The following CHRNG variants were observed in gnomAD, a reference collection of about 807,000 sequenced individuals.
The protein encoded by CHRNG is cholinergic receptor nicotinic gamma subunit.
In CHRNG, 72 loss-of-function variants were observed where a neutral mutation model predicts 65.2. That is an observed-to-expected ratio of 1.10 (90% CI 0.91 to 1.34). The LOEUF (loss-of-function observed/expected upper bound fraction) is 1.34. Among genes scored for constraint, CHRNG ranks in the 40% most tolerant of loss-of-function variants. The probability of loss-of-function intolerance (pLI) is 0.00; values close to 1 mark genes in which losing one functional copy is unlikely to be tolerated. For synonymous variants in CHRNG, 284 were observed against 290.2 expected, an observed-to-expected ratio of 0.98 and a Z score of 0.22; for missense variants, 637 against 680.1, an observed-to-expected ratio of 0.94 and a Z score of 0.70.
Position 232,544,589 on chromosome 2 carries a change from C to G in CHRNG, c.1249+9C>G, listed in dbSNP as rs770568420. 2.7e-5 allele frequency: 43 copies of G among 1,609,200 alleles called. No homozygotes were observed. The highest frequency in any genetic ancestry group is 3.5e-5 in the Non-Finnish European group (41 of 1,176,612). ...AGCGCTGGAGAAGCTAGGTGAGACA[C>G]ACCAGGTGTGCCTGGGGACAGTCCT... is the stretch of plus-strand genomic sequence containing the variant. On this transcript the variant is annotated intron_variant, in intron 10 of 11. Coordinates refer to ENST00000651502, the MANE Select transcript of CHRNG (RefSeq NM_005199.5).
rs1420671428 is a variant in CHRNG, at chr2:232,546,536, G to A, written c.*820G>A. 6.6e-6 allele frequency: 1 copy of A among 152,110 alleles called. No homozygotes were observed. Among genetic ancestry groups the A allele is most frequent in the Non-Finnish European group, 1.5e-5 (1 of 68,198 alleles). The allele number at this position is 152,110 out of a possible 1,614,324, so 9.4% of individuals were successfully genotyped here. A position where few individuals can be genotyped will look rare whatever the true frequency, so the allele number is the denominator to read the frequency against. On this transcript the variant is annotated 3_prime_UTR_variant, in exon 12 of 12. Transcript: ENST00000651502. ...CTACTTTTAAATTTTTAGTAGAGAT[G>A]AGGTTTTGCTATGTTGCCTAGGTTG...
chr2:232,544,949 T>C, intron 11 of CHRNG, 47 bp downstream of exon 11: 1 of 1,612,114 alleles, frequency 6.2e-7, no homozygotes. Context: ...TACCTGGGCT[T>C]GGAACCGTGA....
Position 232,544,631 on chromosome 2 carries a change from T to G in CHRNG, c.1249+51T>G, listed in dbSNP as rs764848357. 3.2e-6 allele frequency: 5 copies of G among 1,578,886 alleles called. No individual in the cohort carries two copies. In the African/African-American group the frequency reaches 6.7e-5, roughly 21 times the overall value. On this transcript the variant is annotated intron_variant, in intron 10 of 11. Transcript: ENST00000651502. ...GACAGTCCTCCCCTGGGACCCCAGCTGGGGAGCCAGGCACAGCAGATGAGT... is the reference window on the plus strand; with the variant it reads ...GACAGTCCTCCCCTGGGACCCCAGCGGGGGAGCCAGGCACAGCAGATGAGT...
rs1248314099 is a variant in CHRNG, at chr2:232,543,484, C to CG, written c.920+95_920+96insG. ...TTGCCCTCTTGCCCTCCATCCACCCCCCCCATCCTCAATTCAGGAGGCCTG... is the reference window on the plus strand; with the variant it reads ...TTGCCCTCTTGCCCTCCATCCACCCCGCCCCATCCTCAATTCAGGAGGCCTG... On this transcript the variant is annotated intron_variant, in intron 8 of 11. Coordinates refer to ENST00000651502, the MANE Select transcript of CHRNG (RefSeq NM_005199.5). 74 of 1,178,002 alleles carry CG rather than the reference C, an allele frequency of 6.3e-5. 1 individual carries two copies. Among genetic ancestry groups the CG allele is most frequent in the Middle Eastern group, 1.9e-4 (1 of 5,282 alleles). The allele number at this position is 1,178,002 out of a possible 1,614,324, so 73.0% of individuals were successfully genotyped here.
At chr2:232,544,669 C>T (rs1054892556) in intron 10 of CHRNG, 89 bp downstream of exon 10, 2 of 1,567,394 alleles carry the variant, frequency 1.3e-6, no homozygotes, top group Non-Finnish European at 1.8e-6. Flanking sequence ...TGGAGAAGTG[C>T]CCAGGTCAGG....
At position 232,544,332 on chromosome 2, in the gene CHRNG, G is replaced by A. The variant is rs116160052; in HGVS notation, c.1036-35G>A. 2.7e-3 allele frequency: 4,151 copies of A among 1,531,364 alleles called. 10 individuals are homozygous for A. Among genetic ancestry groups the A allele is most frequent in the Non-Finnish European group, 3.6e-3 (3,992 of 1,106,864 alleles). The allele number at this position is 1,531,364 out of a possible 1,614,324, so 94.9% of individuals were successfully genotyped here. The stretch of plus-strand genomic sequence containing the variant: ...ACCTCTGGCTTCTGCTCTGAAGCTC[G>A]GCCTGCTGCCCTAGTGAAGCCACCC... On this transcript the variant is annotated intron_variant, in intron 9 of 11. Transcript: ENST00000651502.
chr2:232,541,867 G>C lies in CHRNG; in HGVS notation c.506+338G>C, dbSNP rs1574644269. 2.4e-6 allele frequency: 1 copy of C among 410,018 alleles called. No homozygotes were observed. Among genetic ancestry groups the C allele is most frequent in the East Asian group, 5.3e-5 (1 of 18,748 alleles). 25.4% of individuals were successfully genotyped at this position (410,018 alleles called of 1,614,324 possible). On this transcript the variant is annotated intron_variant, in intron 5 of 11. Transcript: ENST00000651502. The surrounding 1 kb of genome is among the most constrained non-coding windows in gnomAD (Gnocchi z 4.0). The stretch of plus-strand genomic sequence containing the variant: ...ACACACGAAACCACTGCACACTCCA[G>C]GCCCACAGGGAGGCAGGGCTGTCCT...
Position 232,542,507 on chromosome 2 carries a change from T to C in CHRNG, c.591T>C (p.Pro197=), listed in dbSNP as rs1692038390. The C allele has an allele frequency of 6.2e-7, 1 of 1,612,532 alleles. No homozygotes were observed. ...CCATCGAGTGGATTTTCATTGACCC[T>C]GAGGCCTTCACAGGTAACCCCCACC... ...GQTIEWIFID[P]EAFTENGEWA... Residue 197 remains proline (P), a synonymous_variant, in exon 6 of 12, where the codon CCT becomes CCC. Coordinates refer to ENST00000651502, the MANE Select transcript of CHRNG (RefSeq NM_005199.5).
At position 232,540,243 on chromosome 2, in the gene CHRNG, T is replaced by TG; in HGVS notation, c.195+116dup. The TG allele has an allele frequency of 6.2e-7, 1 of 1,603,666 alleles. No individual in the cohort carries two copies. Among genetic ancestry groups the TG allele is most frequent in the Non-Finnish European group, 8.5e-7 (1 of 1,171,378 alleles). ...TTGGAGGGCCCTAAATCGGACAGGC[T>TG]GGGGTCTGGAAAACCCCCATGGTTG... On this transcript the variant is annotated intron_variant, in intron 2 of 11. Transcript: ENST00000651502. This position sits in a 1 kb window ranked among gnomAD's most constrained non-coding sequence, Gnocchi z 4.2.
At chr2:232,543,461 GC>G in intron 8 of CHRNG, 72 bp downstream of exon 8, 1 of 1,254,092 alleles carries the variant, frequency 8.0e-7, no homozygotes, top group Non-Finnish European at 1.2e-6. Flanking sequence ...CTCCTGCATT[GC>G]CCTCTTGCCC....
chr2:232,541,296 G>C lies in CHRNG; in HGVS notation c.351-78G>C. On this transcript the variant is annotated intron_variant, in intron 4 of 11. Transcript: ENST00000651502. This position sits in a 1 kb window ranked among gnomAD's most constrained non-coding sequence, Gnocchi z 4.0. Reference sequence around the variant, plus strand: ...GTCCCCAGGCCCCTATCCACATGGGGCACAGGGGCTGGTCTGGGGCTGGGG... The same window carrying C: ...GTCCCCAGGCCCCTATCCACATGGGCCACAGGGGCTGGTCTGGGGCTGGGG... 6.3e-7 allele frequency: 1 copy of C among 1,578,122 alleles called. No individual in the cohort carries two copies. The highest frequency in any genetic ancestry group is 1.1e-5 in the South Asian group (1 of 90,364).
intron 10 of CHRNG, 62 bp from the exon 11 acceptor site, chr2:232,544,710 C>T (rs1300803658): frequency 2.7e-5 from 44 of 1,601,902 alleles, no homozygotes; most frequent in Admixed American, 6.7e-5. Context: ...TAAGGAGAGG[C>T]CATCTTCTCT....
At position 232,541,432 on chromosome 2, in the gene CHRNG, T is replaced by C; in HGVS notation, c.409T>C (p.Cys137Arg). ...CAATGTGCTCGTGTCCCCTGACGGCTGTATCTACTGGCTGCCGCCTGCCAT... is the reference window on the plus strand; with the variant it reads ...CAATGTGCTCGTGTCCCCTGACGGCCGTATCTACTGGCTGCCGCCTGCCAT... ...YCNVLVSPDG[C>R]IYWLPPAIFR... Residue 137 changes from cysteine (C) to arginine (R), a missense_variant, in exon 5 of 12, where the codon TGT (cysteine) becomes CGT (arginine). Coordinates refer to ENST00000651502, the MANE Select transcript of CHRNG (RefSeq NM_005199.5). The surrounding 1 kb of genome is among the most constrained non-coding windows in gnomAD (Gnocchi z 4.0). 6.2e-7 allele frequency: 1 copy of C among 1,614,148 alleles called. No individual in the cohort carries two copies. Among genetic ancestry groups the C allele is most frequent in the Admixed American group, 1.7e-5 (1 of 60,022 alleles).
Position 232,541,647 on chromosome 2 carries a change from C to A in CHRNG, c.506+118C>A. 1 of 1,255,532 alleles carries A rather than the reference C, an allele frequency of 8.0e-7. No homozygotes were observed. The highest frequency in any genetic ancestry group is 1.1e-6 in the Non-Finnish European group (1 of 869,712). The allele number at this position is 1,255,532 out of a possible 1,614,324, so 77.8% of individuals were successfully genotyped here. On this transcript the variant is annotated intron_variant, in intron 5 of 11. Transcript: ENST00000651502. This position sits in a 1 kb window ranked among gnomAD's most constrained non-coding sequence, Gnocchi z 4.0. ...GCTCTGGCAGCACCTAGAGGCCTGG[C>A]TCCATCTCCCCTGGGCCTCTGTGCC... is the stretch of plus-strand genomic sequence containing the variant.
chr2:232,545,851 C>A lies in CHRNG; in HGVS notation c.*135C>A. 4 of 1,031,418 alleles carry A rather than the reference C, an allele frequency of 3.9e-6. No individual in the cohort carries two copies. The highest frequency in any genetic ancestry group is 5.9e-6 in the Non-Finnish European group (4 of 677,274). The allele number at this position is 1,031,418 out of a possible 1,614,324, so 63.9% of individuals were successfully genotyped here. On this transcript the variant is annotated 3_prime_UTR_variant, in exon 12 of 12. Transcript: ENST00000651502. Reference sequence around the variant, plus strand: ...TTCAGGACTGTGTGAGCCAAACAGCCCTGAGAAAAGCTGGGGAAACAGTCT... The same window carrying A: ...TTCAGGACTGTGTGAGCCAAACAGCACTGAGAAAAGCTGGGGAAACAGTCT...
In CHRNG at chr2:232,544,371, T is replaced by C. The variant is rs1275084772; in HGVS notation, c.1040T>C (p.Phe347Ser). The change falls in exon 10 of 12, where the codon TTC becomes TCC. Residue 347 changes from phenylalanine (F) to serine (S), a missense_variant. Physicochemically the swap from Phe to Ser is radical, Grantham distance 155. Transcript: ENST00000651502. Reference protein sequence around the residue: ...HSMARGVRKVFLRLLPQLLRM... With the variant: ...HSMARGVRKVSLRLLPQLLRM... Reference sequence around the variant, plus strand: ...GTGAAGCCACCCCCTCTCTAGGTGTTCCTGAGGCTCTTGCCCCAGCTGCTG... The same window carrying C: ...GTGAAGCCACCCCCTCTCTAGGTGTCCCTGAGGCTCTTGCCCCAGCTGCTG... The C allele has an allele frequency of 1.2e-6, 2 of 1,612,956 alleles. No individual in the cohort carries two copies. Among genetic ancestry groups the C allele is most frequent in the Non-Finnish European group, 1.7e-6 (2 of 1,179,836 alleles).
In CHRNG at chr2:232,548,018, T is replaced by C; in HGVS notation, c.*2302T>C. ...TAAAAGTTATGTTTACACTATACTGTAGACCAGCAAGAGTGCAATAGCATT... is the reference window on the plus strand; with the variant it reads ...TAAAAGTTATGTTTACACTATACTGCAGACCAGCAAGAGTGCAATAGCATT... On this transcript the variant is annotated 3_prime_UTR_variant, in exon 12 of 12. Coordinates refer to ENST00000651502, the MANE Select transcript of CHRNG (RefSeq NM_005199.5). The C allele has an allele frequency of 1.9e-6, 1 of 539,344 alleles. No homozygotes were observed. The highest frequency in any genetic ancestry group is 3.2e-6 in the Non-Finnish European group (1 of 308,250). 33.4% of individuals were successfully genotyped at this position (539,344 alleles called of 1,614,324 possible).
At position 232,543,029 on chromosome 2, in the gene CHRNG, C is replaced by A. The variant is rs374951822; in HGVS notation, c.752C>A (p.Pro251His). 2.5e-6 allele frequency: 4 copies of A among 1,614,254 alleles called. No homozygotes were observed. Among genetic ancestry groups the A allele is most frequent in the Non-Finnish European group, 3.4e-6 (4 of 1,180,040 alleles). The change falls in exon 7 of 12, where the codon CCC (proline) becomes CAC (histidine). Residue 251 changes from proline (P) to histidine (H), a missense_variant. By Grantham distance (77) the Pro-to-His change is moderately conservative (BLOSUM62 -2). Transcript: ENST00000651502. ...PLFYVINIIA[P>H]CVLISSVAIL... ...TTCTACGTCATCAACATCATCGCCC[C>A]CTGTGTGCTCATCTCCTCTGTCGCC...
Position 232,540,892 on chromosome 2 carries a change from C to G in CHRNG, c.350+181C>G, listed in dbSNP as rs532558853. Among the ~76,000 whole-genome samples, 1 of 152,142 alleles carries G rather than the reference C, an allele frequency of 6.6e-6. No homozygotes were observed. The highest frequency in any genetic ancestry group is 2.4e-5 in the African/African-American group (1 of 41,506). On this transcript the variant is annotated intron_variant, in intron 4 of 11. Coordinates refer to ENST00000651502, the MANE Select transcript of CHRNG (RefSeq NM_005199.5). The surrounding 1 kb of genome is among the most constrained non-coding windows in gnomAD (Gnocchi z 4.2). ...GCAGGGCCCTGGGTATGCCCTCTGA[C>G]CCCAGGGCCAGCAGAGCAGACCCTA...
Sources: allele counts gnomAD v4.1 joint callset (sites outside exome capture counted in the v4.1 genomes callset), GRCh38; gene constraint gnomAD v4.1.1; non-coding constraint Gnocchi (gnomAD v3.1); transcripts MANE v1.5; gene names NCBI Gene and HGNC (gene_info 2026-07-23, HGNC 2026-07-21).